The following CAPN10 variants were observed in gnomAD, a reference collection of about 807,000 sequenced individuals.
CAPN10 encodes the protein calpain-10.
CAPN10 carries 71 observed loss-of-function variants against 78.4 expected under a neutral mutation model. The observed-to-expected ratio is 0.91, with a 90% CI of 0.75 to 1.10. The LOEUF is 1.10. Among genes scored for constraint, CAPN10 ranks in the 50% least tolerant of loss-of-function variants. The pLI, the probability that CAPN10 is intolerant of heterozygous loss-of-function variation, is 0.00. For synonymous variants in CAPN10, 437 were observed against 407.2 expected, an observed-to-expected ratio of 1.07 and a Z score of -0.88; for missense variants, 849 against 924.6, an observed-to-expected ratio of 0.92 and a Z score of 1.06.
intron 6 of CAPN10, 135 bp from the exon 7 acceptor site, chr2:240,594,889 G>GA (rs1418684915): frequency 3.7e-4 from 406 of 1,103,570 alleles, no homozygotes; most frequent in Non-Finnish European, 4.7e-4. Context: ...GGAGGAGGGT[G>GA]GGCTTGTGGG....
intron 1 of CAPN10, among the ~76,000 whole-genome samples, chr2:240,588,353 A>T (rs562799568): frequency 8.5e-4 from 129 of 152,152 alleles, no homozygotes; most frequent in African/African-American, 3.0e-3. Context: ...GAGTATCAGT[A>T]AAGAAGAAGG....
Position 240,589,572 on chromosome 2 carries a change from G to A in CAPN10, c.273+98G>A, listed in dbSNP as rs553784127. ...GGAGGCCTTGCGAAAGCAGAGCTGTGCCGCAGCCGGATCTCCTGCTGTGTT... is the reference window on the plus strand; with the variant it reads ...GGAGGCCTTGCGAAAGCAGAGCTGTACCGCAGCCGGATCTCCTGCTGTGTT... On this transcript the variant is annotated intron_variant, in intron 2 of 11. Coordinates refer to ENST00000391984, the MANE Select transcript of CAPN10 (RefSeq NM_023083.4). 1.7e-4 allele frequency: 239 copies of A among 1,431,658 alleles called. 1 individual carries two copies. In the South Asian group the frequency reaches 3.1e-3, roughly 19 times the overall value. The allele number at this position is 1,431,658 out of a possible 1,614,324, so 88.7% of individuals were successfully genotyped here. A position where few individuals can be genotyped will look rare whatever the true frequency, so the allele number is the denominator to read the frequency against.
intron 1 of CAPN10, among the ~76,000 whole-genome samples, 182 bp from the exon 2 acceptor site, chr2:240,589,161 G>A (rs2093085727): frequency 6.6e-6 from 1 of 152,150 alleles, no homozygotes; most frequent in South Asian, 2.1e-4. Flanking sequence ...CTGGACAGAG[G>A]CATTTGAAGC....
chr2:240,594,413 GC>G, intron 5 of CAPN10, 129 bp from the exon 6 acceptor site: 7 of 903,122 alleles, frequency 7.8e-6, no homozygotes, highest in Non-Finnish European at 1.2e-5. Context: ...GGGCTGCAGA[GC>G]TGGGGCACGG....
intron 8 of CAPN10, 37 bp downstream of exon 8, chr2:240,596,558 G>GT: frequency 1.3e-6 from 2 of 1,561,662 alleles, no homozygotes; most frequent in Non-Finnish European, 1.7e-6. Context: ...GCTCTCCGAG[G>GT]CCACAGGCCC....
At chr2:240,593,015 TGAGGTTCAGGAGCACGTTGA>T (rs938032929) in intron 4 of CAPN10, 1 of 153,738 alleles carries the variant, frequency 6.5e-6, no homozygotes, top group African/African-American at 2.4e-5. Flanking sequence ...GACCCTGAGA[TGAGGTTCAGGAGCACGTTGA>T]GAGGTTCAGA....
intron 2 of CAPN10, chr2:240,590,263 G>A (rs12475968): frequency 0.52 from 80,001 of 152,478 alleles, 22,255 homozygotes; most frequent in East Asian, 0.64. Flanking sequence ...GGAGCCCTGC[G>A]GTGGACGCTG....
At position 240,590,940 on chromosome 2, in the gene CAPN10, G is replaced by A; in HGVS notation, c.399G>A (p.Gly133=). The A allele has an allele frequency of 3.1e-6, 5 of 1,614,254 alleles. No homozygotes were observed. Among genetic ancestry groups the A allele is most frequent in the East Asian group, 2.2e-5 (1 of 44,882 alleles). The part of the protein sequence containing the change: ...TTDDRLPCLA[G]RLCFSRCQRE... ...ATGACCGCCTGCCGTGCCTTGCAGG[G>A]AGACTCTGTTTCTCCCGCTGCCAGA... Residue 133 remains glycine, a synonymous_variant, in exon 3 of 12, where the codon GGG becomes GGA. Coordinates refer to ENST00000391984, the MANE Select transcript of CAPN10 (RefSeq NM_023083.4).
At position 240,593,969 on chromosome 2, in the gene CAPN10, A is replaced by C. The variant is rs548715768; in HGVS notation, c.752A>C (p.Gln251Pro). The C allele has an allele frequency of 6.2e-7, 1 of 1,611,522 alleles. No individual in the cohort carries two copies. The highest frequency in any genetic ancestry group is 2.2e-5 in the East Asian group (1 of 44,786). Residue 251 changes from glutamine (Q) to proline (P), a missense_variant, in exon 5 of 12, where the codon CAG becomes CCG. Coordinates refer to ENST00000391984, the MANE Select transcript of CAPN10 (RefSeq NM_023083.4). ...IVSDLRELQG[Q>P]AGQCILLLRI... is the part of the protein sequence containing the mutation. ...TCGGACCTGCGGGAGCTCCAGGGTC[A>C]GGCGGGCCAGTGCATCCTGCTGCTG... is the stretch of plus-strand genomic sequence containing the variant.
rs147491275 is a variant in CAPN10 at position 240,596,894 on chromosome 2, C to T, written c.1695C>T (p.Cys565=). 4 of 1,613,574 alleles carry T rather than the reference C, an allele frequency of 2.5e-6. No individual in the cohort carries two copies. The highest frequency in any genetic ancestry group is 3.4e-6 in the Non-Finnish European group (4 of 1,180,014). The change falls in exon 9 of 12, where the codon TGC becomes TGT. Residue 565 remains cysteine, a synonymous_variant. Coordinates refer to ENST00000391984, the MANE Select transcript of CAPN10 (RefSeq NM_023083.4). The part of the protein sequence containing the change: ...RCVRITLHQH[C]RPSDTEFHPI... ...TCCGCATCACTCTGCATCAGCACTG[C>T]CGGCCCAGTGACACCGAGTTCCACC...
intron 1 of CAPN10, among the ~76,000 whole-genome samples, chr2:240,588,015 G>T (rs1301273641): frequency 6.6e-6 from 1 of 152,182 alleles, no homozygotes; most frequent in Non-Finnish European, 1.5e-5. Context: ...TGTGGGTTTG[G>T]AGTAGATTGG....
intron 4 of CAPN10, 113 bp from the exon 5 acceptor site, chr2:240,593,793 T>C: frequency 7.8e-7 from 1 of 1,285,058 alleles, no homozygotes; most frequent in African/African-American, 1.5e-5. Flanking sequence ...CGTGTAGCCA[T>C]AGTGGGGTGG....
At position 240,598,830 on chromosome 2, in the gene CAPN10, C is replaced by T. The variant is rs2093154367; in HGVS notation, c.*150C>T. The T allele has an allele frequency of 2.8e-6, 2 of 705,242 alleles. No individual in the cohort carries two copies. Among genetic ancestry groups the T allele is most frequent in the East Asian group, 2.7e-5 (1 of 36,614 alleles). 43.7% of individuals were successfully genotyped at this position (705,242 alleles called of 1,614,324 possible). The stretch of plus-strand genomic sequence containing the variant: ...TGCCAGGAGGCTGCGGCCTAGGGGT[C>T]CACGGGAAGCCTCCGTCAGGAGAGA... On this transcript the variant is annotated 3_prime_UTR_variant, in exon 12 of 12. Transcript: ENST00000391984.
intron 3 of CAPN10, chr2:240,591,616 T>C (rs897619814): frequency 3.2e-5 from 13 of 409,220 alleles, no homozygotes; most frequent in Non-Finnish European, 5.7e-5. Context: ...AAAAGCAGGG[T>C]TGGAGCTTGA....
rs2093154103 is a variant in CAPN10 at position 240,598,809 on chromosome 2, A to G, written c.*129A>G. On this transcript the variant is annotated 3_prime_UTR_variant, in exon 12 of 12. Transcript: ENST00000391984. ...TCTTGGCCTGCCTCCCAGCCCTGCC[A>G]GGAGGCTGCGGCCTAGGGGTCCACG... 2.2e-6 allele frequency: 2 copies of G among 910,850 alleles called. No individual in the cohort carries two copies. The highest frequency in any genetic ancestry group is 2.1e-5 in the Admixed American group (1 of 47,342). 56.4% of individuals were successfully genotyped at this position (910,850 alleles called of 1,614,324 possible). A position where few individuals can be genotyped will look rare whatever the true frequency, so the allele number is the denominator to read the frequency against.
At position 240,589,442 on chromosome 2, in the gene CAPN10, G is replaced by T; in HGVS notation, c.241G>T (p.Ala81Ser). ...TTGCTGGTTCCTGTGTGCCTGCGCC[G>T]CGCTGCAGAAGAGCAGGCACCTCCT... ...GDCWFLCACAALQKSRHLLDQ... is the reference protein window; with the variant it reads ...GDCWFLCACASLQKSRHLLDQ... Residue 81 changes from alanine to serine, a missense_variant, in exon 2 of 12, where the codon GCG becomes TCG. By Grantham distance (99) the Ala-to-Ser change is moderately conservative. Coordinates refer to ENST00000391984, the MANE Select transcript of CAPN10 (RefSeq NM_023083.4). 6.2e-7 allele frequency: 1 copy of T among 1,613,846 alleles called. No individual in the cohort carries two copies. The highest frequency in any genetic ancestry group is 8.5e-7 in the Non-Finnish European group (1 of 1,179,994).
In CAPN10 at chr2:240,594,098, C is replaced by T. The variant is rs927801882; in HGVS notation, c.830+51C>T. 25 of 1,510,114 alleles carry T rather than the reference C, an allele frequency of 1.7e-5. No homozygotes were observed. The African/African-American group carries it at 1.9e-4, about 12-fold the overall frequency. 93.5% of individuals were successfully genotyped at this position (1,510,114 alleles called of 1,614,324 possible). ...TGCTGTCGGGAGGGGGGCCCAGTGC[C>T]AGTCTGGCCTGTGTCCTGGTCACCT... is the stretch of plus-strand genomic sequence containing the variant. On this transcript the variant is annotated intron_variant, in intron 5 of 11. Transcript: ENST00000391984.
In CAPN10 at chr2:240,598,803, C is replaced by A; in HGVS notation, c.*123C>A. On this transcript the variant is annotated 3_prime_UTR_variant, in exon 12 of 12. Coordinates refer to ENST00000391984, the MANE Select transcript of CAPN10 (RefSeq NM_023083.4). ...CCTGAGTCTTGGCCTGCCTCCCAGC[C>A]CTGCCAGGAGGCTGCGGCCTAGGGG... 1 of 968,198 alleles carries A rather than the reference C, an allele frequency of 1.0e-6. No homozygotes were observed. Among genetic ancestry groups the A allele is most frequent in the Non-Finnish European group, 1.6e-6 (1 of 623,852 alleles). 60.0% of individuals were successfully genotyped at this position (968,198 alleles called of 1,614,324 possible).
chr2:240,593,977 C>G lies in CAPN10; in HGVS notation c.760C>G (p.Gln254Glu). Residue 254 changes from glutamine (Q) to glutamate (E), a missense_variant, in exon 5 of 12, where the codon CAG becomes GAG. By Grantham distance (29) the Gln-to-Glu change is conservative. Transcript: ENST00000391984. ...GCGGGAGCTCCAGGGTCAGGCGGGC[C>G]AGTGCATCCTGCTGCTGCGGATCCA... ...DLRELQGQAG[Q>E]CILLLRIQNP... 1 of 1,611,728 alleles carries G rather than the reference C, an allele frequency of 6.2e-7. No homozygotes were observed. Among genetic ancestry groups the G allele is most frequent in the Non-Finnish European group, 8.5e-7 (1 of 1,178,546 alleles).
Sources: allele counts gnomAD v4.1 joint callset (sites outside exome capture counted in the v4.1 genomes callset), GRCh38; gene constraint gnomAD v4.1.1; transcripts MANE v1.5; gene names NCBI Gene and HGNC (gene_info 2026-07-23, HGNC 2026-07-21).